The following AXDND1 variants were observed in gnomAD, a reference collection of about 807,000 sequenced individuals.
AXDND1 encodes axonemal dynein light chain domain containing 1.
AXDND1 carries 110 observed loss-of-function variants against 137.5 expected under a neutral mutation model. That is an observed-to-expected ratio of 0.80 (90% CI 0.69 to 0.94). The LOEUF is 0.94. AXDND1 is among the 40% of genes least tolerant of loss of function. The probability of loss-of-function intolerance (pLI) is 0.00; values close to 1 mark genes in which losing one functional copy is unlikely to be tolerated. For missense variants in AXDND1, 1,191 were observed against 1,169.8 expected (o/e 1.02, Z -0.26); for synonymous variants, 414 against 399.7 (o/e 1.04, Z -0.43).
intron 20 of AXDND1, among the ~76,000 whole-genome samples, chr1:179,502,631 G>T (rs1668121998): frequency 6.7e-6 from 1 of 150,044 alleles, no homozygotes. Context: ...GAATGAGGGA[G>T]CAACAGGTAC....
intron 16 of AXDND1, among the ~76,000 whole-genome samples, chr1:179,458,832 A>G (rs888494057): frequency 6.6e-6 from 1 of 151,756 alleles, no homozygotes; most frequent in Non-Finnish European, 1.5e-5. Context: ...ACCTAACAAA[A>G]TAGATGAGGA....
intron 20 of AXDND1, among the ~76,000 whole-genome samples, chr1:179,501,507 C>T (rs1667995743): frequency 6.6e-6 from 1 of 152,022 alleles, no homozygotes; most frequent in Admixed American, 6.6e-5. Flanking sequence ...GTCAGGAGAT[C>T]GAGACCATCC....
At chr1:179,498,928 C>T (rs970815282) in intron 20 of AXDND1, among the ~76,000 whole-genome samples, 3 of 151,720 alleles carry the variant, frequency 2.0e-5, no homozygotes, top group Admixed American at 6.6e-5. Flanking sequence ...AAAAAAACAA[C>T]AGATGCTAGT....
At chr1:179,459,635 G>T (rs576719428) in intron 16 of AXDND1, among the ~76,000 whole-genome samples, 2 of 150,772 alleles carry the variant, frequency 1.3e-5, no homozygotes, top group East Asian at 1.9e-4. Context: ...TATAGTGGTG[G>T]GTCTGCTGAT....
chr1:179,366,494 G>A lies in AXDND1; in HGVS notation c.-16G>A. On this transcript the variant is annotated 5_prime_UTR_variant, in exon 2 of 26. Coordinates refer to ENST00000367618, the MANE Select transcript of AXDND1 (RefSeq NM_144696.6). ...ACTATTTCAAATTACTAAAGAGATA[G>A]GAGGCATTGTTTATTATGTCTCTCC... 1 of 1,581,330 alleles carries A rather than the reference G, an allele frequency of 6.3e-7. No homozygotes were observed. The highest frequency in any genetic ancestry group is 8.7e-7 in the Non-Finnish European group (1 of 1,150,646).
intron 12 of AXDND1, among the ~76,000 whole-genome samples, chr1:179,424,017 T>C (rs527737118): frequency 2.6e-5 from 4 of 152,336 alleles, no homozygotes; most frequent in African/African-American, 9.6e-5. Context: ...CATTAGCATT[T>C]CTTGTAAGAG....
intron 2 of AXDND1, among the ~76,000 whole-genome samples, chr1:179,368,130 C>G (rs1398524778): frequency 6.6e-6 from 1 of 152,170 alleles, no homozygotes; most frequent in Non-Finnish European, 1.5e-5. Context: ...AGAATAACAA[C>G]TCAACCCTAC....
chr1:179,490,595 A>G (rs149332229), intron 18 of AXDND1, among the ~76,000 whole-genome samples: 9 of 152,350 alleles, frequency 5.9e-5, no homozygotes, highest in East Asian at 1.9e-4. Flanking sequence ...GAAAAGTACT[A>G]CACATACATT....
intron 21 of AXDND1, among the ~76,000 whole-genome samples, chr1:179,510,008 T>C (rs1005843727): frequency 1.3e-5 from 2 of 152,200 alleles, no homozygotes; most frequent in Admixed American, 6.5e-5. Context: ...CCAAGTATCT[T>C]CAATTTTGTA....
rs535895690 is a variant in AXDND1, at chr1:179,400,804, G to C, written c.1109+5602G>C. 2.5e-3 allele frequency among the ~76,000 whole-genome samples: 373 copies of C among 150,046 alleles called. 1 individual carries two copies. The highest frequency in any genetic ancestry group is 0.01 in the Middle Eastern group (3 of 290). ...CCTGTAGTCCCAGCTACTTGGGAGGGTGAGGCAGGAGAATGGCGTGAACCC... is the reference window on the plus strand; with the variant it reads ...CCTGTAGTCCCAGCTACTTGGGAGGCTGAGGCAGGAGAATGGCGTGAACCC... On this transcript the variant is annotated intron_variant, in intron 11 of 25. Coordinates refer to ENST00000367618, the MANE Select transcript of AXDND1 (RefSeq NM_144696.6).
At chr1:179,512,834 G>T (rs1185504979) in intron 21 of AXDND1, among the ~76,000 whole-genome samples, 1 of 152,078 alleles carries the variant, frequency 6.6e-6, no homozygotes, top group Non-Finnish European at 1.5e-5. Flanking sequence ...GTTGTAAAGG[G>T]GTTGAGTTCT....
chr1:179,429,178 G>GAAAAA (rs11431069), intron 12 of AXDND1, among the ~76,000 whole-genome samples: 1 of 149,750 alleles, frequency 6.7e-6, no homozygotes, highest in Admixed American at 6.7e-5. Flanking sequence ...CACTGTCTCA[G>GAAAAA]AAAAAAAAAT....
chr1:179,475,155 A>G (rs1281477245), intron 17 of AXDND1, among the ~76,000 whole-genome samples: 2 of 152,366 alleles, frequency 1.3e-5, no homozygotes, highest in African/African-American at 2.4e-5. Flanking sequence ...CTGCAGAGGT[A>G]TAGCCCTCAT....
chr1:179,452,427 G>A (rs12730594), intron 16 of AXDND1: 44,948 of 146,576 alleles, frequency 0.31, 7,538 homozygotes, highest in African/African-American at 0.34. Flanking sequence ...GGTGGCTCAC[G>A]CCTGTAATCC....
chr1:179,534,749 A>G lies in AXDND1; in HGVS notation c.2818A>G (p.Arg940Gly). 1 of 1,586,102 alleles carries G rather than the reference A, an allele frequency of 6.3e-7. No individual in the cohort carries two copies. Among genetic ancestry groups the G allele is most frequent in the South Asian group, 1.2e-5 (1 of 84,416 alleles). Residue 940 changes from arginine to glycine, a missense_variant, in exon 25 of 26, where the codon AGA becomes GGA. Transcript: ENST00000367618. Reference sequence around the variant, plus strand: ...TATCAGGGAGGTTGAAAATAGAGCCAGACAGGCAGAGGAGAAGTTTGAAGA... The same window carrying G: ...TATCAGGGAGGTTGAAAATAGAGCCGGACAGGCAGAGGAGAAGTTTGAAGA... ...EKLLEVENRA[R>G]QAEEKFEDAY...
intron 12 of AXDND1, among the ~76,000 whole-genome samples, chr1:179,417,408 G>A (rs540811239): frequency 6.6e-6 from 1 of 151,904 alleles, no homozygotes; most frequent in Non-Finnish European, 1.5e-5. Context: ...GGTCTTACAC[G>A]GAAAATCTTT....
chr1:179,380,093 C>T (rs1196330395), intron 6 of AXDND1, among the ~76,000 whole-genome samples: 1 of 151,330 alleles, frequency 6.6e-6, no homozygotes, highest in Non-Finnish European at 1.5e-5. Flanking sequence ...ACTAAAAATA[C>T]AAAAAAATAG....
chr1:179,369,849 C>T (rs141595703), intron 3 of AXDND1, 126 bp from the exon 4 acceptor site: 5 of 593,096 alleles, frequency 8.4e-6, no homozygotes, highest in East Asian at 5.7e-5. Context: ...GAATTCTGCT[C>T]TCTTTTTTCC....
chr1:179,425,144 C>A (rs1206522204), intron 12 of AXDND1, among the ~76,000 whole-genome samples: 2 of 152,164 alleles, frequency 1.3e-5, no homozygotes, highest in Non-Finnish European at 2.9e-5. Flanking sequence ...TTATTCTAAT[C>A]TTCTCTGTCT....
Sources: gnomAD v4.1 joint callset for allele counts (sites outside exome capture counted in the v4.1 genomes callset) on GRCh38, gnomAD v4.1.1 for gene constraint, MANE v1.5 for transcripts, NCBI Gene and HGNC (gene_info 2026-07-23, HGNC 2026-07-21) for gene names.